Variants in TBCK observed in about 807,000 individuals in gnomAD.
TBCK encodes the protein TBC1 domain containing kinase, also known as TBC domain-containing protein kinase-like protein.
In TBCK, 99 loss-of-function variants were observed where a neutral mutation model predicts 113.4. The ratio of observed to expected loss-of-function variants is 0.87; its 90% CI spans 0.74 to 1.03. TBCK has a LOEUF of 1.03. Among genes scored for constraint, TBCK ranks in the 50% least tolerant of loss-of-function variants. The pLI, the probability that TBCK is intolerant of heterozygous loss-of-function variation, is 0.00. For synonymous variants in TBCK, 369 were observed against 370.8 expected, an observed-to-expected ratio of 1.00 and a Z score of 0.05; for missense variants, 1,045 against 1,061.3, an observed-to-expected ratio of 0.98 and a Z score of 0.21.
intron 24 of TBCK, among the ~76,000 whole-genome samples, chr4:106,103,414 A>G (rs374504074): frequency 7.9e-5 from 12 of 152,334 alleles, no homozygotes; most frequent in African/African-American, 2.9e-4. Flanking sequence ...TCACTGACTC[A>G]TTAATTTCTA....
At chr4:106,209,715 T>C (rs1310093169) in intron 20 of TBCK, among the ~76,000 whole-genome samples, 1 of 152,124 alleles carries the variant, frequency 6.6e-6, no homozygotes, top group African/African-American at 2.4e-5. Context: ...CTGTTTTGTG[T>C]TCTCTCTTGT....
At chr4:106,244,098 G>GT (rs1440383564) in intron 11 of TBCK, among the ~76,000 whole-genome samples, 1 of 152,120 alleles carries the variant, frequency 6.6e-6, no homozygotes, top group Non-Finnish European at 1.5e-5. Context: ...GGCTGTAGAG[G>GT]TATTTAACTT....
At chr4:106,096,998 T>C (rs1258806435) in intron 24 of TBCK, among the ~76,000 whole-genome samples, 1 of 152,214 alleles carries the variant, frequency 6.6e-6, no homozygotes, top group East Asian at 1.9e-4. Context: ...AGTAACTATA[T>C]CTATAATCAT....
intron 25 of TBCK, among the ~76,000 whole-genome samples, chr4:106,057,403 G>C (rs1004085409): frequency 1.3e-5 from 2 of 151,702 alleles, no homozygotes; most frequent in Non-Finnish European, 3.0e-5. Context: ...TTTTCCAAAC[G>C]ACTTTCCAAA....
At chr4:106,120,566 G>C (rs1311566240) in intron 23 of TBCK, among the ~76,000 whole-genome samples, 2 of 152,166 alleles carry the variant, frequency 1.3e-5, no homozygotes, top group Admixed American at 6.5e-5. Flanking sequence ...AAATGTCCCT[G>C]TCTGACAGCT....
chr4:106,110,782 T>C (rs114184696), intron 24 of TBCK, among the ~76,000 whole-genome samples: 345 of 152,168 alleles, frequency 2.3e-3, no homozygotes, highest in Non-Finnish European at 3.5e-3. Flanking sequence ...TCACCTACCT[T>C]ACTGCCTCCA....
At chr4:106,059,202 GTAA>G (rs70941236) in intron 25 of TBCK, among the ~76,000 whole-genome samples, 90,331 of 150,752 alleles carry the variant, frequency 0.6, 27,327 homozygotes, top group Non-Finnish European at 0.64. Context: ...TGTTAAATGT[GTAA>G]TAATAATTCA....
chr4:106,121,837 A>T (rs1385102200), intron 23 of TBCK, among the ~76,000 whole-genome samples: 1 of 152,134 alleles, frequency 6.6e-6, no homozygotes, highest in Non-Finnish European at 1.5e-5. Flanking sequence ...GAGAACAAAG[A>T]CACAACATAC....
Position 106,046,576 on chromosome 4 carries a change from T to A in TBCK, c.2676A>T (p.Gln892His). The A allele has an allele frequency of 1.9e-6, 3 of 1,585,392 alleles. No homozygotes were observed. The highest frequency in any genetic ancestry group is 2.6e-6 in the Non-Finnish European group (3 of 1,154,128). The change falls in exon 26 of 26, where the codon CAA becomes CAT. Residue 892 changes from glutamine to histidine, a missense_variant. Transcript: ENST00000394708. Reference protein sequence around the residue: ...PTGLLTIPSPQI With the variant: ...PTGLLTIPSPHI ...CAGTCACACTCTTGGTTCTTCATAT[T>A]TGAGGAGATGGGATGGTGAGGAGGC...
At chr4:106,056,243 A>G (rs921630874) in intron 25 of TBCK, among the ~76,000 whole-genome samples, 1 of 150,768 alleles carries the variant, frequency 6.6e-6, no homozygotes, top group Non-Finnish European at 1.5e-5. Flanking sequence ...CCCAACCTGG[A>G]GACTTTAAGG....
chr4:106,217,841 C>G (rs1757155093), intron 19 of TBCK, among the ~76,000 whole-genome samples: 1 of 148,992 alleles, frequency 6.7e-6, no homozygotes, highest in African/African-American at 2.4e-5. Flanking sequence ...CTACCAATGA[C>G]TTTCTTCACA....
intron 19 of TBCK, among the ~76,000 whole-genome samples, chr4:106,214,204 A>G (rs1294835265): frequency 6.6e-6 from 1 of 152,184 alleles, no homozygotes; most frequent in African/African-American, 2.4e-5. Flanking sequence ...CATCCACACC[A>G]AAAACCCATC....
At chr4:106,068,396 G>A (rs1048674938) in intron 25 of TBCK, among the ~76,000 whole-genome samples, 3 of 152,068 alleles carry the variant, frequency 2.0e-5, no homozygotes, top group Non-Finnish European at 4.4e-5. Context: ...GTGAGAACAT[G>A]TGGTGTTTGG....
intron 24 of TBCK, among the ~76,000 whole-genome samples, chr4:106,108,679 T>C (rs1158457175): frequency 6.6e-6 from 1 of 152,178 alleles, no homozygotes; most frequent in Non-Finnish European, 1.5e-5. Flanking sequence ...GCTGGAAGCA[T>C]TCCCCTTGAA....
intron 6 of TBCK, chr4:106,251,289 ATT>A (rs566107071): frequency 1.1e-3 from 173 of 155,594 alleles, no homozygotes; most frequent in Non-Finnish European, 2.1e-3. Context: ...CTATCATTAT[ATT>A]TCTCTTATCA....
chr4:106,151,393 G>A (rs894338424), intron 23 of TBCK, among the ~76,000 whole-genome samples: 1 of 151,660 alleles, frequency 6.6e-6, no homozygotes, highest in Non-Finnish European at 1.5e-5. Flanking sequence ...AACAATCCTT[G>A]TACTCTCTAT....
Position 106,235,377 on chromosome 4 carries a change from CA to C in TBCK, c.1351-11del. The stretch of plus-strand genomic sequence containing the variant: ...TTTTATATGGATAAGCCTATGATAT[CA>C]AAAAAGAAATGAAAACGTCTCAAAT... On this transcript the variant is annotated splice_polypyrimidine_tract_variant and intron_variant, in intron 14 of 25. Transcript: ENST00000394708. 4 of 1,565,286 alleles carry C rather than the reference CA, an allele frequency of 2.6e-6. No individual in the cohort carries two copies. The highest frequency in any genetic ancestry group is 1.2e-5 in the South Asian group (1 of 85,822).
chr4:106,083,508 C>T (rs1739140337), intron 25 of TBCK, among the ~76,000 whole-genome samples: 1 of 152,214 alleles, frequency 6.6e-6, no homozygotes, highest in Admixed American at 6.5e-5. Context: ...GCCTCTCCTC[C>T]TGGTAGTTCT....
At chr4:106,205,832 G>T (rs1755438894) in intron 20 of TBCK, among the ~76,000 whole-genome samples, 2 of 151,166 alleles carry the variant, frequency 1.3e-5, no homozygotes, top group Admixed American at 1.3e-4. Flanking sequence ...CGCTATCTGA[G>T]AAACTATTAA....
Sources: allele counts gnomAD v4.1 joint callset (sites outside exome capture counted in the v4.1 genomes callset), GRCh38; gene constraint gnomAD v4.1.1; transcripts MANE v1.5; gene names NCBI Gene and HGNC (gene_info 2026-07-23, HGNC 2026-07-21).